Variants in CAMTA1 observed in about 807,000 individuals in gnomAD.
CAMTA1 encodes the protein calmodulin binding transcription activator 1, also known as calmodulin-binding transcription activator 1.
CAMTA1 carries 27 observed loss-of-function variants against 170.9 expected under a neutral mutation model. The observed-to-expected ratio is 0.16, with a 90% confidence interval of 0.12 to 0.22. CAMTA1 has a LOEUF of 0.22. Among genes scored for constraint, CAMTA1 ranks in the 10% least tolerant of loss-of-function variants. CAMTA1 has a pLI of 1.00. For missense variants in CAMTA1, 1,619 were observed against 2,217.2 expected (o/e 0.73, Z 5.42); for synonymous variants, 833 against 891.5 (o/e 0.93, Z 1.17).
intron 5 of CAMTA1, among the ~76,000 whole-genome samples, chr1:7,338,463 T>G (rs959820381): frequency 3.9e-5 from 6 of 152,208 alleles, no homozygotes; most frequent in Non-Finnish European, 5.9e-5. Context: ...AAGCCCACCA[T>G]GTACGCAGGA....
intron 4 of CAMTA1, among the ~76,000 whole-genome samples, chr1:7,232,786 G>T (rs542040992): frequency 2.0e-5 from 3 of 152,278 alleles, no homozygotes; most frequent in Admixed American, 6.5e-5. Flanking sequence ...GCATTAAGAG[G>T]TTCCCCTACA....
At chr1:7,696,426 C>A (rs2096377136) in intron 11 of CAMTA1, among the ~76,000 whole-genome samples, 1 of 151,538 alleles carries the variant, frequency 6.6e-6, no homozygotes, top group Non-Finnish European at 1.5e-5. Flanking sequence ...GAACACCTGA[C>A]CTCGTGATCC....
At chr1:7,371,234 C>T (rs1352363369) in intron 5 of CAMTA1, among the ~76,000 whole-genome samples, 1 of 114,988 alleles carries the variant, frequency 8.7e-6, no homozygotes, top group African/African-American at 3.5e-5. Flanking sequence ...TTCTAATGCT[C>T]TGGGTTTTGT....
chr1:7,651,369 G>A (rs772251261), intron 7 of CAMTA1, among the ~76,000 whole-genome samples: 11 of 152,132 alleles, frequency 7.2e-5, no homozygotes, highest in Admixed American at 1.3e-4. Context: ...GCCAAGCGTC[G>A]ATTCCAGCAG....
chr1:7,149,951 G>C (rs551706633), intron 4 of CAMTA1, among the ~76,000 whole-genome samples: 23 of 152,268 alleles, frequency 1.5e-4, no homozygotes, highest in African/African-American at 4.6e-4. Context: ...TGTACTGCCA[G>C]GGGAGGCTTC....
chr1:7,706,539 A>G (rs1251766921), intron 11 of CAMTA1, among the ~76,000 whole-genome samples: 3 of 152,120 alleles, frequency 2.0e-5, no homozygotes, highest in Non-Finnish European at 2.9e-5. Context: ...GTGTGTTTAG[A>G]AAAAAAATAG....
intron 5 of CAMTA1, among the ~76,000 whole-genome samples, chr1:7,464,994 G>A (rs946792511): frequency 1.5e-4 from 23 of 152,168 alleles, no homozygotes; most frequent in African/African-American, 5.3e-4. Context: ...AGCAAAGCGC[G>A]ACTCCACACA....
chr1:7,429,508 ATGG>A (rs2092051383), intron 5 of CAMTA1, among the ~76,000 whole-genome samples: 1 of 151,828 alleles, frequency 6.6e-6, no homozygotes, highest in Non-Finnish European at 1.5e-5. Context: ...GATGGTGGTA[ATGG>A]TGGTACTGAA....
At chr1:7,652,889 C>T (rs920612019) in intron 7 of CAMTA1, among the ~76,000 whole-genome samples, 6 of 152,206 alleles carry the variant, frequency 3.9e-5, no homozygotes, top group African/African-American at 1.2e-4. Context: ...TCACCCCCTA[C>T]GCACCTGCTG....
intron 3 of CAMTA1, among the ~76,000 whole-genome samples, chr1:7,000,103 C>G (rs926651070): frequency 6.6e-6 from 1 of 152,222 alleles, no homozygotes; most frequent in Admixed American, 6.5e-5. Context: ...GGTGCTTCTG[C>G]TCTTCTGTGG....
chr1:7,177,396 G>T (rs1352825968), intron 4 of CAMTA1, among the ~76,000 whole-genome samples: 1 of 145,188 alleles, frequency 6.9e-6, no homozygotes, highest in Non-Finnish European at 1.5e-5. Context: ...CAACACAGAG[G>T]ACTCTCCCAC....
At chr1:7,277,267 A>C (rs942358521) in intron 5 of CAMTA1, among the ~76,000 whole-genome samples, 2 of 152,366 alleles carry the variant, frequency 1.3e-5, no homozygotes, top group South Asian at 4.1e-4. Context: ...AAAAGGATTT[A>C]TAAAAATCAA....
intron 5 of CAMTA1, among the ~76,000 whole-genome samples, chr1:7,356,422 A>G (rs1466095484): frequency 6.6e-6 from 1 of 152,210 alleles, no homozygotes; most frequent in Non-Finnish European, 1.5e-5. Flanking sequence ...CTGAAATTGA[A>G]GCCACACCAG....
At chr1:7,722,098 C>A (rs1262597514) in intron 11 of CAMTA1, among the ~76,000 whole-genome samples, 2 of 152,142 alleles carry the variant, frequency 1.3e-5, no homozygotes, top group African/African-American at 4.8e-5. Context: ...TGGCTAGGAG[C>A]TGGTTTCCTG....
intron 10 of CAMTA1, among the ~76,000 whole-genome samples, chr1:7,676,411 A>T (rs1454868128): frequency 2.0e-5 from 3 of 152,190 alleles, no homozygotes; most frequent in Non-Finnish European, 4.4e-5. Flanking sequence ...CAATGGCAAG[A>T]TGGCTGCTGC....
intron 6 of CAMTA1, among the ~76,000 whole-genome samples, chr1:7,505,879 C>A (rs144362407): frequency 2.7e-3 from 405 of 152,248 alleles, no homozygotes; most frequent in African/African-American, 9.6e-3. Context: ...GCACAGCTGA[C>A]CTGTGGGCGC....
chr1:7,461,805 A>G (rs984203336), intron 5 of CAMTA1, among the ~76,000 whole-genome samples: 1 of 152,230 alleles, frequency 6.6e-6, no homozygotes, highest in African/African-American at 2.4e-5. Flanking sequence ...CCTCCAGGGG[A>G]AAAGGGCCAT....
At position 7,315,832 on chromosome 1, in the gene CAMTA1, G is replaced by A. The variant is rs141748655; in HGVS notation, c.438+66206G>A. 6.1e-3 allele frequency among the ~76,000 whole-genome samples: 932 copies of A among 152,250 alleles called. 9 individuals are homozygous for A. The highest frequency in any genetic ancestry group is 0.02 in the African/African-American group (839 of 41,534). On this transcript the variant is annotated intron_variant, in intron 5 of 22. Transcript: ENST00000303635. ...GTCACTGCACTCTGGTGTTCTCCCT[G>A]TGCATTTCTGCCTTCATGCCATCTC... is the stretch of plus-strand genomic sequence containing the variant.
At chr1:7,449,074 G>T (rs1248810954) in intron 5 of CAMTA1, among the ~76,000 whole-genome samples, 1 of 152,248 alleles carries the variant, frequency 6.6e-6, no homozygotes, top group Non-Finnish European at 1.5e-5. Context: ...CAGCTGCTGG[G>T]GGCCACTGCC....
Sources: allele counts gnomAD v4.1 joint callset (sites outside exome capture counted in the v4.1 genomes callset), GRCh38; gene constraint gnomAD v4.1.1; transcripts MANE v1.5; gene names NCBI Gene and HGNC (gene_info 2026-07-23, HGNC 2026-07-21).